The following EYS variants were observed in gnomAD, a reference collection of about 807,000 sequenced individuals.
The protein encoded by EYS is protein eyes shut homolog.
In EYS, 250 loss-of-function variants were observed where a neutral mutation model predicts 282.1. That is an observed-to-expected ratio of 0.89 (90% CI 0.80 to 0.98). The LOEUF is 0.98. Ranked by LOEUF, EYS falls within the 50% of genes least tolerant of loss-of-function variation. EYS has a pLI of 0.00. For missense variants in EYS, 4,016 were observed against 3,709.0 expected, an observed-to-expected ratio of 1.08 and a Z score of -2.15; for synonymous variants, 1,355 against 1,282.9, an observed-to-expected ratio of 1.06 and a Z score of -1.20.
At chr6:63,725,491 T>G (rs1768580135) in intron 42 of EYS, among the ~76,000 whole-genome samples, 1 of 152,150 alleles carries the variant, frequency 6.6e-6, no homozygotes, top group South Asian at 2.1e-4. Flanking sequence ...TTTTAATGTC[T>G]CTTGATTTAT....
chr6:65,676,283 T>A (rs1467277150), intron 1 of EYS, among the ~76,000 whole-genome samples: 1 of 151,558 alleles, frequency 6.6e-6, no homozygotes, highest in African/African-American at 2.4e-5. Flanking sequence ...TCAACAAAAA[T>A]AAGAATTGGT....
chr6:63,968,324 A>G (rs1429368371), intron 35 of EYS, among the ~76,000 whole-genome samples: 1 of 152,178 alleles, frequency 6.6e-6, no homozygotes, highest in Non-Finnish European at 1.5e-5. Flanking sequence ...GGGCAAATAC[A>G]ATTCTTTATT....
At chr6:65,049,335 T>G (rs2150153602) in intron 13 of EYS, among the ~76,000 whole-genome samples, 1 of 151,898 alleles carries the variant, frequency 6.6e-6, no homozygotes, top group Admixed American at 6.6e-5. Context: ...CACAGGTTCT[T>G]TTGCCTCTGC....
intron 31 of EYS, among the ~76,000 whole-genome samples, chr6:64,173,958 T>C (rs1764553650): frequency 1.3e-5 from 2 of 152,092 alleles, no homozygotes; most frequent in Non-Finnish European, 2.9e-5. Flanking sequence ...GAAAATGTGG[T>C]TTATATATAT....
chr6:63,840,500 T>C lies in EYS; in HGVS notation c.7228+23686A>G, dbSNP rs137878817. Among the ~76,000 whole-genome samples the C allele has an allele frequency of 1.4e-4, 21 of 152,264 alleles. No homozygotes were observed. In the East Asian group the frequency reaches 3.5e-3, roughly 25 times the overall value. On this transcript the variant is annotated intron_variant, in intron 36 of 42. Transcript: ENST00000503581. ...TTCTGTAGGTCGTCATTTCACTCTG[T>C]TGATTTTTTTTCCTTTGCGGTGCAG...
intron 26 of EYS, among the ~76,000 whole-genome samples, chr6:64,444,375 C>A (rs1308207681): frequency 4.6e-5 from 7 of 151,962 alleles, no homozygotes; most frequent in African/African-American, 1.5e-4. Flanking sequence ...TATCTAATAC[C>A]ATTTTTCACA....
intron 26 of EYS, among the ~76,000 whole-genome samples, chr6:64,486,609 T>C (rs557147146): frequency 2.0e-5 from 3 of 151,406 alleles, no homozygotes; most frequent in East Asian, 1.9e-4. Flanking sequence ...ATGTTAAAAA[T>C]ATAAACTTCA....
intron 30 of EYS, among the ~76,000 whole-genome samples, chr6:64,239,648 A>G (rs550172326): frequency 3.5e-4 from 52 of 148,910 alleles, no homozygotes; most frequent in African/African-American, 1.2e-3. Flanking sequence ...TAGATTCTGG[A>G]TATTAGCCCT....
chr6:64,483,899 A>C (rs1337511), intron 26 of EYS, among the ~76,000 whole-genome samples: 45,490 of 151,552 alleles, frequency 0.3, 6,882 homozygotes, highest in East Asian at 0.47. Context: ...TGTCTTATTC[A>C]TGACACATAG....
At chr6:64,277,991 A>G (rs1768171500) in intron 30 of EYS, among the ~76,000 whole-genome samples, 1 of 152,206 alleles carries the variant, frequency 6.6e-6, no homozygotes, top group African/African-American at 2.4e-5. Context: ...ATTTGACTTG[A>G]AAATATTTAG....
chr6:64,340,182 T>C (rs939129712), intron 29 of EYS, among the ~76,000 whole-genome samples: 2 of 150,228 alleles, frequency 1.3e-5, no homozygotes, highest in African/African-American at 4.9e-5. Flanking sequence ...TAAAAAAGTG[T>C]GTGTGTGTAA....
chr6:64,395,081 G>A (rs1462728541), intron 28 of EYS, among the ~76,000 whole-genome samples: 2 of 152,118 alleles, frequency 1.3e-5, no homozygotes, highest in Admixed American at 6.5e-5. Context: ...ACCATGATGC[G>A]ATACCATCTC....
intron 35 of EYS, among the ~76,000 whole-genome samples, chr6:63,871,260 T>C (rs1324773616): frequency 6.6e-6 from 1 of 152,200 alleles, no homozygotes; most frequent in Admixed American, 6.5e-5. Context: ...GCAATAGACA[T>C]TGAAACGTTT....
At chr6:64,755,003 G>C (rs984886294) in intron 22 of EYS, among the ~76,000 whole-genome samples, 2 of 151,992 alleles carry the variant, frequency 1.3e-5, no homozygotes, top group Non-Finnish European at 1.5e-5. Flanking sequence ...AGTCAAATTA[G>C]CTCTGTTTAC....
At chr6:65,648,491 T>C (rs1179433163) in intron 1 of EYS, among the ~76,000 whole-genome samples, 1 of 152,100 alleles carries the variant, frequency 6.6e-6, no homozygotes, top group Non-Finnish European at 1.5e-5. Flanking sequence ...CATTCATATG[T>C]GGGAACAGAG....
chr6:63,730,857 TA>T (rs2149634873), intron 41 of EYS, among the ~76,000 whole-genome samples: 1 of 152,038 alleles, frequency 6.6e-6, no homozygotes, highest in South Asian at 2.1e-4. Context: ...CCGTCTCTAC[TA>T]AAAATACAAA....
At chr6:65,521,881 C>T (rs1387753283) in intron 2 of EYS, among the ~76,000 whole-genome samples, 5 of 151,938 alleles carry the variant, frequency 3.3e-5, no homozygotes, top group Admixed American at 6.6e-5. Context: ...TGGTATATAA[C>T]GGATGTTTTA....
intron 30 of EYS, among the ~76,000 whole-genome samples, chr6:64,241,012 T>C (rs1490568529): frequency 1.3e-5 from 2 of 152,320 alleles, no homozygotes; most frequent in Middle Eastern, 3.4e-3. Flanking sequence ...GAGATAATTA[T>C]GGTTTTTGTC....
chr6:65,130,873 A>G (rs1032954178), intron 12 of EYS, among the ~76,000 whole-genome samples: 6 of 151,576 alleles, frequency 4.0e-5, no homozygotes, highest in Non-Finnish European at 7.4e-5. Context: ...TTTTAAAAAT[A>G]GTTTTAAAAT....
Sources: allele counts gnomAD v4.1 joint callset (sites outside exome capture counted in the v4.1 genomes callset), GRCh38; gene constraint gnomAD v4.1.1; transcripts MANE v1.5; gene names NCBI Gene and HGNC (gene_info 2026-07-23, HGNC 2026-07-21).